SHISA6: variants seen among roughly 807,000 people sequenced by gnomAD.
SHISA6 encodes the protein shisa family member 6.
In SHISA6, 22 loss-of-function variants were observed where a neutral mutation model predicts 47.9. The ratio of observed to expected loss-of-function variants is 0.46; its 90% CI spans 0.33 to 0.66. The LOEUF (loss-of-function observed/expected upper bound fraction) is 0.66, where lower values mean the gene tolerates loss of function less well. Among genes scored for constraint, SHISA6 ranks in the 30% least tolerant of loss-of-function variants. The probability of loss-of-function intolerance (pLI) is 0.02; values close to 1 mark genes in which losing one functional copy is unlikely to be tolerated. For synonymous variants in SHISA6, 388 were observed against 337.8 expected, an observed-to-expected ratio of 1.15 and a Z score of -1.63; for missense variants, 680 against 764.6, an observed-to-expected ratio of 0.89 and a Z score of 1.30.
At chr17:11,305,494 T>A (rs566395544) in intron 2 of SHISA6, among the ~76,000 whole-genome samples, 1 of 152,338 alleles carries the variant, frequency 6.6e-6, no homozygotes, top group Non-Finnish European at 1.5e-5. Flanking sequence ...ATTGTCTGTG[T>A]CGCCTCACAG....
At chr17:11,434,386 G>A (rs543187565) in intron 3 of SHISA6, among the ~76,000 whole-genome samples, 32 of 152,068 alleles carry the variant, frequency 2.1e-4, no homozygotes, top group African/African-American at 7.5e-4. Flanking sequence ...CTAATCACCT[G>A]GGTTAAATAT....
At chr17:11,302,480 C>T (rs1349638872) in intron 2 of SHISA6, among the ~76,000 whole-genome samples, 1 of 152,184 alleles carries the variant, frequency 6.6e-6, no homozygotes, top group Non-Finnish European at 1.5e-5. Context: ...TACGTGGTCA[C>T]CTATGCATCT....
At chr17:11,365,964 G>A (rs1912436829) in intron 2 of SHISA6, among the ~76,000 whole-genome samples, 1 of 152,190 alleles carries the variant, frequency 6.6e-6, no homozygotes, top group African/African-American at 2.4e-5. Context: ...ACAAACATCT[G>A]AGGACAGAGA....
intron 2 of SHISA6, among the ~76,000 whole-genome samples, chr17:11,306,175 G>C (rs1216570084): frequency 6.6e-6 from 1 of 152,150 alleles, no homozygotes; most frequent in Non-Finnish European, 1.5e-5. Flanking sequence ...ACCTAGGTCT[G>C]AGTTCAGGAT....
At chr17:11,523,033 G>A (rs1294292106) in intron 3 of SHISA6, among the ~76,000 whole-genome samples, 2 of 152,090 alleles carry the variant, frequency 1.3e-5, no homozygotes, top group South Asian at 2.1e-4. Context: ...TTTTGCCAAC[G>A]TTTATGCCCG....
At chr17:11,450,995 TAAA>T (rs757372845) in intron 3 of SHISA6, among the ~76,000 whole-genome samples, 2 of 123,074 alleles carry the variant, frequency 1.6e-5, no homozygotes, top group South Asian at 2.8e-4. Context: ...AATAGAAAAT[TAAA>T]AAAAAAAAAA....
chr17:11,405,080 T>TA (rs1006926119), intron 3 of SHISA6, among the ~76,000 whole-genome samples: 116 of 151,992 alleles, frequency 7.6e-4, no homozygotes, highest in Admixed American at 3.1e-3. Context: ...CAGCAAAACT[T>TA]AAAAAAAATA....
intron 3 of SHISA6, among the ~76,000 whole-genome samples, chr17:11,491,103 A>G (rs550721966): frequency 4.6e-5 from 7 of 152,334 alleles, no homozygotes; most frequent in Admixed American, 1.3e-4. Context: ...TCCAACGTCA[A>G]GATTCTCTAG....
intron 3 of SHISA6, among the ~76,000 whole-genome samples, chr17:11,483,880 C>G (rs1006419666): frequency 1.3e-5 from 2 of 152,094 alleles, no homozygotes; most frequent in African/African-American, 4.8e-5. Flanking sequence ...CGCTTGAGTC[C>G]AAGAGGTTGA....
chr17:11,332,837 CAT>C (rs1456422920), intron 2 of SHISA6, among the ~76,000 whole-genome samples: 3 of 152,082 alleles, frequency 2.0e-5, no homozygotes, highest in Non-Finnish European at 4.4e-5. Context: ...AGCAACCCGT[CAT>C]GTGATATTCC....
intron 1 of SHISA6, among the ~76,000 whole-genome samples, chr17:11,254,974 G>C (rs142471422): frequency 2.3e-4 from 35 of 152,278 alleles, no homozygotes; most frequent in African/African-American, 6.5e-4. Flanking sequence ...CAGTAATTCA[G>C]ATGCAACTTA....
chr17:11,360,159 C>G (rs547384030), intron 2 of SHISA6, among the ~76,000 whole-genome samples: 3 of 152,176 alleles, frequency 2.0e-5, no homozygotes, highest in Non-Finnish European at 4.4e-5. Flanking sequence ...AGTTCATGTC[C>G]TTTGCAGGGA....
At chr17:11,463,981 A>G (rs968384785) in intron 3 of SHISA6, among the ~76,000 whole-genome samples, 8 of 152,274 alleles carry the variant, frequency 5.3e-5, no homozygotes, top group Admixed American at 1.3e-4. Flanking sequence ...CAGTGATCCA[A>G]TCACAACTCA....
At chr17:11,474,727 G>T (rs973662943) in intron 3 of SHISA6, among the ~76,000 whole-genome samples, 1 of 152,054 alleles carries the variant, frequency 6.6e-6, no homozygotes, top group African/African-American at 2.4e-5. Context: ...TACCACACTG[G>T]CTTAATTACT....
At chr17:11,316,477 G>A (rs1376315750) in intron 2 of SHISA6, among the ~76,000 whole-genome samples, 1 of 146,252 alleles carries the variant, frequency 6.8e-6, no homozygotes, top group Non-Finnish European at 1.5e-5. Flanking sequence ...CTGGAATGCA[G>A]TGGCGTGATC....
At chr17:11,333,187 G>T (rs1911191061) in intron 2 of SHISA6, among the ~76,000 whole-genome samples, 3 of 152,192 alleles carry the variant, frequency 2.0e-5, no homozygotes, top group Admixed American at 2.0e-4. Flanking sequence ...GTGGCACAGA[G>T]GTGGGTTTCT....
intron 3 of SHISA6, among the ~76,000 whole-genome samples, chr17:11,388,238 G>A (rs528657348): frequency 6.6e-6 from 1 of 152,288 alleles, no homozygotes; most frequent in Admixed American, 6.5e-5. Context: ...GCAGCACTCA[G>A]AAGGCGTCGA....
chr17:11,463,579 G>A (rs1915742417), intron 3 of SHISA6, among the ~76,000 whole-genome samples: 1 of 152,066 alleles, frequency 6.6e-6, no homozygotes, highest in African/African-American at 2.4e-5. Flanking sequence ...CTGTAGGTCT[G>A]TATCTATTTC....
chr17:11,267,882 T>A (rs938274078), intron 2 of SHISA6, among the ~76,000 whole-genome samples: 1 of 152,054 alleles, frequency 6.6e-6, no homozygotes, highest in Non-Finnish European at 1.5e-5. Flanking sequence ...ATAAAAAGAT[T>A]GTTTAGGGGA....
Sources: gnomAD v4.1 joint callset for allele counts (sites outside exome capture counted in the v4.1 genomes callset) on GRCh38, gnomAD v4.1.1 for gene constraint, MANE v1.5 for transcripts, NCBI Gene and HGNC (gene_info 2026-07-23, HGNC 2026-07-21) for gene names.